MROH9: variants seen among roughly 807,000 people sequenced by gnomAD.
The protein encoded by MROH9 is maestro heat like repeat family member 9.
MROH9 carries 92 observed loss-of-function variants against 98.2 expected under a neutral mutation model. The ratio of observed to expected loss-of-function variants is 0.94; its 90% CI spans 0.79 to 1.11. MROH9 has a LOEUF of 1.11. Among genes scored for constraint, MROH9 ranks in the 50% most tolerant of loss-of-function variants. The pLI is 0.00. For missense variants in MROH9, 1,057 were observed against 1,014.8 expected, an observed-to-expected ratio of 1.04 and a Z score of -0.57; for synonymous variants, 397 against 368.9, an observed-to-expected ratio of 1.08 and a Z score of -0.87.
intron 15 of MROH9, among the ~76,000 whole-genome samples, chr1:171,012,928 C>T (rs1652207537): frequency 6.6e-6 from 1 of 152,118 alleles, no homozygotes; most frequent in South Asian, 2.1e-4. Flanking sequence ...TAAACTTCCT[C>T]AAACTGGCCT....
At chr1:171,046,868 C>T (rs1653487284) in intron 20 of MROH9, among the ~76,000 whole-genome samples, 1 of 152,138 alleles carries the variant, frequency 6.6e-6, no homozygotes. Flanking sequence ...GATGAAATCC[C>T]TCAGCTTTTG....
At position 170,958,454 on chromosome 1, in the gene MROH9, T is replaced by C. The variant is rs1300907607; in HGVS notation, c.73-7T>C. On this transcript the variant is annotated splice_region_variant and splice_polypyrimidine_tract_variant and intron_variant, in intron 3 of 21. Coordinates refer to ENST00000367759, the MANE Select transcript of MROH9 (RefSeq NM_001163629.2). ...CTTTTTTTTTTTTTTTTTAACATGG[T>C]ACTTAGGCACATAAAGTTAACAGCC... 7 of 1,504,944 alleles carry C rather than the reference T, an allele frequency of 4.7e-6. No individual in the cohort carries two copies. The highest frequency in any genetic ancestry group is 1.4e-5 in the African/African-American group (1 of 71,830). 93.2% of individuals were successfully genotyped at this position (1,504,944 alleles called of 1,614,324 possible). A position where few individuals can be genotyped will look rare whatever the true frequency, so the allele number is the denominator to read the frequency against.
intron 11 of MROH9, among the ~76,000 whole-genome samples, chr1:170,991,451 TA>T (rs1651351479): frequency 6.6e-6 from 1 of 152,100 alleles, no homozygotes; most frequent in Non-Finnish European, 1.5e-5. Context: ...ATGATGAACC[TA>T]AACACAGAAG....
chr1:170,983,325 C>T (rs1215869199), intron 8 of MROH9, 97 bp from the exon 9 acceptor site: 1 of 794,976 alleles, frequency 1.3e-6, no homozygotes, highest in Non-Finnish European at 2.0e-6. Context: ...CTTCAGATCT[C>T]CAGAACTGGG....
At chr1:170,948,371 T>C (rs948390726) in intron 3 of MROH9, among the ~76,000 whole-genome samples, 3 of 152,024 alleles carry the variant, frequency 2.0e-5, no homozygotes, top group Non-Finnish European at 2.9e-5. Flanking sequence ...AAAACATTGA[T>C]ATCATTTGGT....
chr1:170,962,297 T>C (rs1244626424), intron 6 of MROH9, among the ~76,000 whole-genome samples: 1 of 152,176 alleles, frequency 6.6e-6, no homozygotes, highest in Non-Finnish European at 1.5e-5. Flanking sequence ...TACCCTCAAG[T>C]TCACATAGCA....
At chr1:171,031,273 A>T (rs933478450) in intron 20 of MROH9, among the ~76,000 whole-genome samples, 2 of 152,064 alleles carry the variant, frequency 1.3e-5, no homozygotes, top group African/African-American at 4.8e-5. Context: ...GGGCATTTAG[A>T]CCATTTACAT....
At chr1:170,998,781 A>G (rs563947173) in intron 15 of MROH9, 1 of 966,270 alleles carries the variant, frequency 1.0e-6, no homozygotes, top group East Asian at 1.1e-4. Context: ...TTTGTTTACA[A>G]AAAATAAAGG....
intron 6 of MROH9, 90 bp from the exon 7 acceptor site, chr1:170,965,061 G>T (rs572401395): frequency 1.7e-5 from 13 of 786,088 alleles, no homozygotes; most frequent in Non-Finnish European, 2.5e-5. Flanking sequence ...AATGTAGGAA[G>T]GCCTGATTTG....
chr1:170,992,892 A>G (rs1187447496), intron 12 of MROH9, among the ~76,000 whole-genome samples: 1 of 152,178 alleles, frequency 6.6e-6, no homozygotes, highest in Non-Finnish European at 1.5e-5. Context: ...GTAGTCATGG[A>G]AAGACCTAAT....
At chr1:171,019,315 G>A (rs754508489) in intron 17 of MROH9, among the ~76,000 whole-genome samples, 7 of 152,076 alleles carry the variant, frequency 4.6e-5, no homozygotes, top group Admixed American at 6.6e-5. Flanking sequence ...CAGCTACAGC[G>A]GTGTTGAGAG....
At chr1:170,972,638 CT>C (rs146066918) in intron 8 of MROH9, among the ~76,000 whole-genome samples, 2,965 of 151,720 alleles carry the variant, frequency 0.02, 115 homozygotes, top group African/African-American at 0.068. Flanking sequence ...GTGAAACCCC[CT>C]CTCTACTAAA....
intron 7 of MROH9, among the ~76,000 whole-genome samples, chr1:170,968,295 T>C (rs1199615359): frequency 6.6e-6 from 1 of 152,208 alleles, no homozygotes; most frequent in Non-Finnish European, 1.5e-5. Context: ...GCATTCCTCT[T>C]GACACACATT....
In MROH9 at chr1:170,996,575, T is replaced by A; in HGVS notation, c.1406T>A (p.Met469Lys). 6.2e-7 allele frequency: 1 copy of A among 1,613,668 alleles called. No individual in the cohort carries two copies. Among genetic ancestry groups the A allele is most frequent in the African/African-American group, 1.3e-5 (1 of 75,020 alleles). Residue 469 changes from methionine to lysine, a missense_variant, in exon 14 of 22, where the codon ATG (methionine) becomes AAG (lysine). Physicochemically the swap from Met to Lys is moderately conservative, Grantham distance 95. Coordinates refer to ENST00000367759, the MANE Select transcript of MROH9 (RefSeq NM_001163629.2). Reference sequence around the variant, plus strand: ...CTGCAACAGGTGGATATTACTCTAATGAAGGAGAATTTCTGGGACCAGTTA... The same window carrying A: ...CTGCAACAGGTGGATATTACTCTAAAGAAGGAGAATTTCTGGGACCAGTTA... ...SGLQQVDITL[M>K]KENFWDQLSE...
At chr1:170,971,715 G>A (rs754665093) in intron 7 of MROH9, 33 bp from the exon 8 acceptor site, 27 of 1,610,908 alleles carry the variant, frequency 1.7e-5, no homozygotes, top group Non-Finnish European at 2.3e-5. Flanking sequence ...GCTATGCATA[G>A]CAAATGCATG....
intron 3 of MROH9, among the ~76,000 whole-genome samples, chr1:170,949,882 G>T (rs903795741): frequency 3.9e-5 from 6 of 152,044 alleles, no homozygotes; most frequent in South Asian, 2.1e-4. Flanking sequence ...AGACAAGGAA[G>T]ATGAGAAAGG....
intron 20 of MROH9, among the ~76,000 whole-genome samples, chr1:171,042,727 T>C (rs952221070): frequency 1.3e-5 from 2 of 152,192 alleles, no homozygotes; most frequent in African/African-American, 4.8e-5. Flanking sequence ...TGCATTTCTC[T>C]GATGATCAGT....
chr1:170,954,725 TCTCA>T (rs535316051), intron 3 of MROH9, among the ~76,000 whole-genome samples: 1 of 152,114 alleles, frequency 6.6e-6, no homozygotes, highest in Non-Finnish European at 1.5e-5. Context: ...TGAGGTAATG[TCTCA>T]CTGTGATTTT....
intron 8 of MROH9, among the ~76,000 whole-genome samples, chr1:170,974,858 A>G (rs762462483): frequency 8.6e-5 from 13 of 152,026 alleles, no homozygotes; most frequent in Admixed American, 2.0e-4. Context: ...CAAAAACTTA[A>G]AGGGAAAAAT....
Sources: gnomAD v4.1 joint callset for allele counts (sites outside exome capture counted in the v4.1 genomes callset) on GRCh38, gnomAD v4.1.1 for gene constraint, MANE v1.5 for transcripts, NCBI Gene and HGNC (gene_info 2026-07-23, HGNC 2026-07-21) for gene names.